SYNJ1: variants seen among roughly 807,000 people sequenced by gnomAD.
The protein encoded by SYNJ1 is synaptojanin 1.
SYNJ1 carries 78 observed loss-of-function variants against 168.2 expected under a neutral mutation model. That is an observed-to-expected ratio of 0.46 (90% CI 0.39 to 0.56). SYNJ1 has a LOEUF of 0.56. Among genes scored for constraint, SYNJ1 ranks in the 20% least tolerant of loss-of-function variants. SYNJ1 has a pLI of 0.00. For missense variants in SYNJ1, 1,303 were observed against 1,597.6 expected, an observed-to-expected ratio of 0.82 and a Z score of 3.14; for synonymous variants, 539 against 548.6, an observed-to-expected ratio of 0.98 and a Z score of 0.24.
At chr21:32,692,635 T>C (rs924668450) in intron 6 of SYNJ1, among the ~76,000 whole-genome samples, 4 of 151,834 alleles carry the variant, frequency 2.6e-5, no homozygotes, top group Admixed American at 6.6e-5. Flanking sequence ...CCAGACCGTA[T>C]AGGAAGGAAA....
rs568572939 is a variant in SYNJ1, at chr21:32,727,961, C to T, written c.-38G>A. 5 of 1,534,382 alleles carry T rather than the reference C, an allele frequency of 3.3e-6. No homozygotes were observed. Among genetic ancestry groups the T allele is most frequent in the Admixed American group, 3.9e-5 (2 of 50,958 alleles). ...GCTTGCTCACCTCTTCCTCCGGCTC[C>T]TCCTCCTCCTTCTCCCGCAGCCGCC... On this transcript the variant is annotated 5_prime_UTR_variant, in exon 1 of 33. Coordinates refer to ENST00000674351, the MANE Select transcript of SYNJ1 (RefSeq NM_203446.3).
Position 32,666,535 on chromosome 21 carries a change from T to C in SYNJ1, c.1850A>G (p.Lys617Arg), listed in dbSNP as rs1482229512. 4 of 1,614,108 alleles carry C rather than the reference T, an allele frequency of 2.5e-6. No homozygotes were observed. The highest frequency in any genetic ancestry group is 3.4e-6 in the Non-Finnish European group (4 of 1,179,984). ...NQKLWAVELQ[K>R]TISRDNKYVL... Reference sequence around the variant, plus strand: ...ATACTTGTTGTCTCTGGAGATTGTCTTCTGAAGTTCTACAGCCCAGAGCTT... The same window carrying C: ...ATACTTGTTGTCTCTGGAGATTGTCCTCTGAAGTTCTACAGCCCAGAGCTT... Residue 617 changes from lysine to arginine, a missense_variant, in exon 16 of 33, where the codon AAG becomes AGG. By Grantham distance (26) the Lys-to-Arg change is conservative. Around this residue, in one of 2 missense-constraint regions of SYNJ1, gnomAD observed 920 missense variants for 1,208.8 expected, o/e 0.76. Coordinates refer to ENST00000674351, the MANE Select transcript of SYNJ1 (RefSeq NM_203446.3).
intron 18 of SYNJ1, among the ~76,000 whole-genome samples, chr21:32,659,414 C>T (rs2040590462): frequency 6.6e-6 from 1 of 152,070 alleles, no homozygotes; most frequent in Admixed American, 6.5e-5. Flanking sequence ...CCAATTTCTG[C>T]CTCCAAAGAA....
intron 15 of SYNJ1, 67 bp from the exon 16 acceptor site, chr21:32,666,640 T>C: frequency 1.3e-6 from 2 of 1,502,896 alleles, no homozygotes; most frequent in Non-Finnish European, 1.8e-6. Flanking sequence ...TTATGACAAT[T>C]GTCAATTATA....
intron 32 of SYNJ1, among the ~76,000 whole-genome samples, chr21:32,634,574 A>G (rs528179130): frequency 3.9e-5 from 6 of 152,336 alleles, no homozygotes; most frequent in African/African-American, 1.4e-4. Flanking sequence ...AAAGGCCTTC[A>G]TATACCTAAA....
intron 1 of SYNJ1, 185 bp downstream of exon 1, chr21:32,727,761 C>G (rs1260874130): frequency 7.8e-7 from 1 of 1,287,406 alleles, no homozygotes; most frequent in African/African-American, 1.6e-5. Context: ...CCTGACGCGG[C>G]ACCCCGCACA....
chr21:32,668,904 T>C (rs2041067306), intron 15 of SYNJ1, among the ~76,000 whole-genome samples: 1 of 152,146 alleles, frequency 6.6e-6, no homozygotes, highest in African/African-American at 2.4e-5. Flanking sequence ...AAAGCAACAA[T>C]GGGTAAAAGT....
rs775805673 is a variant in SYNJ1 at position 32,728,006 on chromosome 21, T to C, written c.-83A>G. Reference sequence around the variant, plus strand: ...GCCGCCGCCACAGCCGCCGGGAGCGTCACTTCCGCTCCAGCAGGCCCATCT... The same window carrying C: ...GCCGCCGCCACAGCCGCCGGGAGCGCCACTTCCGCTCCAGCAGGCCCATCT... On this transcript the variant is annotated 5_prime_UTR_variant, in exon 1 of 33. Coordinates refer to ENST00000674351, the MANE Select transcript of SYNJ1 (RefSeq NM_203446.3). 1.8e-5 allele frequency: 28 copies of C among 1,535,914 alleles called. 1 individual carries two copies. Among genetic ancestry groups the C allele is most frequent in the Admixed American group, 2.0e-5 (1 of 50,912 alleles).
chr21:32,673,850 C>T (rs1323463752), intron 13 of SYNJ1, among the ~76,000 whole-genome samples: 2 of 151,598 alleles, frequency 1.3e-5, no homozygotes, highest in Admixed American at 1.3e-4. Flanking sequence ...TGAAATGGTA[C>T]ATTAATGTAC....
chr21:32,652,194 C>T (rs2040295921), intron 22 of SYNJ1, among the ~76,000 whole-genome samples: 2 of 151,634 alleles, frequency 1.3e-5, no homozygotes, highest in African/African-American at 2.4e-5. Flanking sequence ...AAGCAATACA[C>T]ACAAAGAATT....
chr21:32,652,049 T>C (rs779348822), intron 22 of SYNJ1, among the ~76,000 whole-genome samples: 12 of 152,218 alleles, frequency 7.9e-5, no homozygotes, highest in Non-Finnish European at 1.5e-4. Context: ...TTAAGAGAAA[T>C]TACTTCAGAA....
At chr21:32,722,189 G>GAAAA (rs869294126) in intron 2 of SYNJ1, among the ~76,000 whole-genome samples, 14 of 112,548 alleles carry the variant, frequency 1.2e-4, no homozygotes, top group African/African-American at 3.4e-4. Flanking sequence ...CCATCTCAAA[G>GAAAA]AAAAAAAAAA....
chr21:32,657,267 A>G (rs1450154156), intron 19 of SYNJ1, 147 bp from the exon 20 acceptor site: 14 of 599,510 alleles, frequency 2.3e-5, no homozygotes, highest in Non-Finnish European at 4.1e-5. Flanking sequence ...AGGCAGTCTA[A>G]ATACCTTTAA....
Position 32,678,629 on chromosome 21 carries a change from TA to T in SYNJ1, c.1510+15del, listed in dbSNP as rs201012663. On this transcript the variant is annotated intron_variant, in intron 12 of 32. Transcript: ENST00000674351. ...TTAGGAATATAAATAACAAATAAAA[TA>T]TAAAGTGCACATACCACGCAAACTT... 694,017 of 1,559,818 alleles carry T rather than the reference TA, an allele frequency of 0.44. 155,187 individuals carry two copies. Among genetic ancestry groups the T allele is most frequent in the African/African-American group, 0.52 (37,472 of 71,522 alleles).
intron 5 of SYNJ1, 121 bp downstream of exon 5, chr21:32,694,936 C>T: frequency 9.3e-7 from 1 of 1,079,832 alleles, no homozygotes; most frequent in East Asian, 2.7e-5. Flanking sequence ...TAACCAAGAA[C>T]AATCATAAAA....
At chr21:32,638,715 A>T (rs2039689323) in intron 31 of SYNJ1, among the ~76,000 whole-genome samples, 193 bp downstream of exon 31, 1 of 152,070 alleles carries the variant, frequency 6.6e-6, no homozygotes, top group Non-Finnish European at 1.5e-5. Context: ...AAAAACAAAC[A>T]CACAAACAAC....
At chr21:32,676,952 T>C (rs539064260) in intron 12 of SYNJ1, among the ~76,000 whole-genome samples, 9 of 152,144 alleles carry the variant, frequency 5.9e-5, no homozygotes, top group East Asian at 1.9e-4. Flanking sequence ...ATAAAAATAG[T>C]AGCAAGACAT....
intron 12 of SYNJ1, among the ~76,000 whole-genome samples, chr21:32,677,430 A>G (rs2041455983): frequency 6.6e-6 from 1 of 152,164 alleles, no homozygotes; most frequent in Non-Finnish European, 1.5e-5. Flanking sequence ...GTATGATTTT[A>G]CTTATAGTAA....
chr21:32,689,464 T>C (rs2041946527), intron 6 of SYNJ1, among the ~76,000 whole-genome samples: 1 of 152,114 alleles, frequency 6.6e-6, no homozygotes, highest in African/African-American at 2.4e-5. Context: ...GCCCAGCTAA[T>C]TTTTGTATTT....
Sources: allele counts gnomAD v4.1 joint callset (sites outside exome capture counted in the v4.1 genomes callset), GRCh38; gene constraint gnomAD v4.1.1; regional missense constraint gnomAD v4.1.1; transcripts MANE v1.5; gene names NCBI Gene and HGNC (gene_info 2026-07-23, HGNC 2026-07-21).